Variants in RANBP2 observed in about 807,000 individuals in gnomAD.
The protein encoded by RANBP2 is RAN binding protein 2, also known as E3 SUMO-protein ligase RanBP2.
RANBP2 carries 57 observed loss-of-function variants against 303.6 expected under a neutral mutation model. The ratio of observed to expected loss-of-function variants is 0.19; its 90% CI spans 0.15 to 0.23. The LOEUF (loss-of-function observed/expected upper bound fraction) is 0.23. Among genes scored for constraint, RANBP2 ranks in the 10% least tolerant of loss-of-function variants. The pLI, the probability that RANBP2 is intolerant of heterozygous loss-of-function variation, is 1.00. For synonymous variants in RANBP2, 1,167 were observed against 1,301.5 expected (o/e 0.90, Z 2.23); for missense variants, 3,138 against 3,780.8 (o/e 0.83, Z 4.46).
the RANBP2 span, among the ~76,000 whole-genome samples, chr2:109,216,420 G>A: frequency 1.3e-5 from 2 of 152,242 alleles, no homozygotes; most frequent in African/African-American, 4.8e-5. Flanking sequence ...CCACTTTGCA[G>A]AGGAGGAACC....
chr2:109,173,512 G>C, the RANBP2 span, among the ~76,000 whole-genome samples: 1 of 152,188 alleles, frequency 6.6e-6, no homozygotes, highest in Non-Finnish European at 1.5e-5. Flanking sequence ...CACACTGCCT[G>C]CAGGCTATGT....
intron 4 of RANBP2, among the ~76,000 whole-genome samples, chr2:108,734,015 T>G (rs985317603): frequency 4.6e-5 from 7 of 150,998 alleles, no homozygotes; most frequent in Non-Finnish European, 1.0e-4. Context: ...GAGATAGAAC[T>G]TTTTAAAAAG....
At chr2:109,473,486 A>C in the RANBP2 span, among the ~76,000 whole-genome samples, 1 of 152,180 alleles carries the variant, frequency 6.6e-6, no homozygotes, top group Non-Finnish European at 1.5e-5. Context: ...TAGCAGATAT[A>C]GGTGATAAAG....
the RANBP2 span, among the ~76,000 whole-genome samples, chr2:109,232,970 C>T: frequency 5.9e-5 from 9 of 152,128 alleles, no homozygotes; most frequent in Admixed American, 1.3e-4. Context: ...GTGAGACTTG[C>T]GATAGGGGTG....
At chr2:109,423,651 C>T in the RANBP2 span, among the ~76,000 whole-genome samples, 8 of 152,290 alleles carry the variant, frequency 5.3e-5, no homozygotes, top group Admixed American at 2.0e-4. Context: ...GCGAAATCAC[C>T]GGGTACTGCC....
chr2:109,163,690 C>T, the RANBP2 span, among the ~76,000 whole-genome samples: 3 of 152,272 alleles, frequency 2.0e-5, no homozygotes, highest in South Asian at 4.1e-4. Flanking sequence ...TGAGCCACCG[C>T]GCCTGGCCGC....
the RANBP2 span, among the ~76,000 whole-genome samples, chr2:109,087,131 C>A: frequency 6.6e-6 from 1 of 152,166 alleles, no homozygotes; most frequent in Non-Finnish European, 1.5e-5. Flanking sequence ...AAAGAGCCCT[C>A]TGTTCCCTTT....
At chr2:108,904,573 A>G in the RANBP2 span, among the ~76,000 whole-genome samples, 2 of 152,244 alleles carry the variant, frequency 1.3e-5, no homozygotes, top group South Asian at 4.1e-4. Context: ...GATGTCCTTC[A>G]ACAAGTGAAT....
chr2:108,947,713 T>C, the RANBP2 span, among the ~76,000 whole-genome samples: 1 of 152,136 alleles, frequency 6.6e-6, no homozygotes, highest in African/African-American at 2.4e-5. Flanking sequence ...GGATGCAGGA[T>C]GCCAAGTCCT....
At chr2:109,129,976 G>T in the RANBP2 span, 2 of 1,323,208 alleles carry the variant, frequency 1.5e-6, no homozygotes, top group Admixed American at 4.1e-5. Flanking sequence ...CCAGAGTGCG[G>T]CCCCCACGCT....
chr2:109,300,235 T>G, the RANBP2 span, among the ~76,000 whole-genome samples: 177 of 152,304 alleles, frequency 1.2e-3, no homozygotes, highest in African/African-American at 4.2e-3. Flanking sequence ...AGTCTCACTC[T>G]GTCGCCCAGG....
chr2:109,670,437 G>C, the RANBP2 span, among the ~76,000 whole-genome samples: 1 of 151,880 alleles, frequency 6.6e-6, no homozygotes, highest in South Asian at 2.1e-4. Context: ...GAGTGGATTG[G>C]GTGCGATAAC....
the RANBP2 span, among the ~76,000 whole-genome samples, chr2:109,429,622 T>C: frequency 6.6e-6 from 1 of 152,038 alleles, no homozygotes; most frequent in African/African-American, 2.4e-5. Context: ...GCAGCTCTCA[T>C]CTTGCCCAAG....
the RANBP2 span, among the ~76,000 whole-genome samples, chr2:108,862,377 G>C: frequency 6.6e-6 from 1 of 152,118 alleles, no homozygotes; most frequent in Admixed American, 6.5e-5. Context: ...ATCTTCACAG[G>C]CTGGGAGGTA....
At chr2:109,248,346 A>G in the RANBP2 span, among the ~76,000 whole-genome samples, 1 of 151,972 alleles carries the variant, frequency 6.6e-6, no homozygotes, top group Non-Finnish European at 1.5e-5. Flanking sequence ...TATTCTTCTT[A>G]TTGTTTCCTG....
chr2:109,408,718 C>T, the RANBP2 span, among the ~76,000 whole-genome samples: 1 of 152,250 alleles, frequency 6.6e-6, no homozygotes, highest in Middle Eastern at 3.2e-3. Flanking sequence ...TTTCAAAGTC[C>T]ACCCCTCCTG....
At chr2:108,889,290 G>A in the RANBP2 span, among the ~76,000 whole-genome samples, 2 of 152,250 alleles carry the variant, frequency 1.3e-5, no homozygotes, top group Non-Finnish European at 2.9e-5. Flanking sequence ...AGAATGTTCT[G>A]TAAAGATCTG....
chr2:109,284,749 C>A, the RANBP2 span, among the ~76,000 whole-genome samples: 1 of 152,122 alleles, frequency 6.6e-6, no homozygotes, highest in Non-Finnish European at 1.5e-5. Context: ...GTGAAGTCCC[C>A]GCATGGCTAA....
chr2:109,607,181 C>A, the RANBP2 span, among the ~76,000 whole-genome samples: 9 of 152,138 alleles, frequency 5.9e-5, no homozygotes, highest in Non-Finnish European at 1.3e-4. Context: ...CATAATCACA[C>A]AAATAATTTG....
Sources: allele counts gnomAD v4.1 joint callset (sites outside exome capture counted in the v4.1 genomes callset), GRCh38; gene constraint gnomAD v4.1.1; transcripts MANE v1.5; gene names NCBI Gene and HGNC (gene_info 2026-07-23, HGNC 2026-07-21).